The following RIMS3 variants were observed in gnomAD, a reference collection of about 807,000 sequenced individuals.
The protein encoded by RIMS3 is regulating synaptic membrane exocytosis 3, also known as regulating synaptic membrane exocytosis protein 3.
In RIMS3, 15 loss-of-function variants were observed where a neutral mutation model predicts 29.2. That is an observed-to-expected ratio of 0.51 (90% CI 0.34 to 0.79). The LOEUF is 0.79. Ranked by LOEUF, RIMS3 falls within the 30% of genes least tolerant of loss-of-function variation. The probability of loss-of-function intolerance (pLI) is 0.01; values close to 1 mark genes in which losing one functional copy is unlikely to be tolerated. For missense variants in RIMS3, 342 were observed against 421.4 expected (o/e 0.81, Z 1.65); for synonymous variants, 161 against 170.1 (o/e 0.95, Z 0.41).
Position 40,647,674 on chromosome 1 carries a change from G to A in RIMS3, c.-38C>T, listed in dbSNP as rs536891911. 1 of 152,270 alleles carries A rather than the reference G, an allele frequency of 6.6e-6. No homozygotes were observed. The highest frequency in any genetic ancestry group is 2.4e-5 in the African/African-American group (1 of 41,522). 9.4% of individuals were successfully genotyped at this position (152,270 alleles called of 1,614,324 possible). A position where few individuals can be genotyped will look rare whatever the true frequency, so the allele number is the denominator to read the frequency against. On this transcript the variant is annotated 5_prime_UTR_variant, in exon 2 of 8. Coordinates refer to ENST00000372684, the MANE Select transcript of RIMS3 (RefSeq NM_014747.3). ...GGAAGAAAACCCAACTCACCGAACT[G>A]ATGAATCTGAGCCTGGTGTTCCGCA...
At chr1:40,643,011 T>C (rs1646569258) in intron 2 of RIMS3, among the ~76,000 whole-genome samples, 1 of 152,188 alleles carries the variant, frequency 6.6e-6, no homozygotes, top group Non-Finnish European at 1.5e-5. Flanking sequence ...TAACACTATG[T>C]ATGCTACCGT....
At chr1:40,637,118 G>C (rs1240259171) in intron 3 of RIMS3, among the ~76,000 whole-genome samples, 1 of 152,204 alleles carries the variant, frequency 6.6e-6, no homozygotes, top group East Asian at 1.9e-4. Flanking sequence ...TGCCTACAGG[G>C]AGGGGGAGAG....
At chr1:40,668,008 T>C (rs1384251124), upstream of RIMS3, among the ~76,000 whole-genome samples, 1 of 151,988 alleles carries the variant, frequency 6.6e-6, no homozygotes, top group African/African-American at 2.4e-5. Flanking sequence ...ATCCCAGCAC[T>C]TTGGGAGGCC....
chr1:40,668,122 G>A (rs2148367745), upstream of RIMS3, among the ~76,000 whole-genome samples: 1 of 152,056 alleles, frequency 6.6e-6, no homozygotes, highest in South Asian at 2.1e-4. Context: ...GTGGTGGCAT[G>A]CACCTGTAGT....
chr1:40,668,491 C>G (rs939221628), upstream of RIMS3, among the ~76,000 whole-genome samples: 946 of 50,438 alleles, frequency 0.019, no homozygotes, highest in Middle Eastern at 0.021. Flanking sequence ...GGGTTGTGGG[C>G]GGGGGGGGGG....
chr1:40,632,382 AT>A, intron 5 of RIMS3, among the ~76,000 whole-genome samples: 1 of 148,458 alleles, frequency 6.7e-6, no homozygotes, highest in Non-Finnish European at 1.5e-5. Flanking sequence ...TGGTGCTAGG[AT>A]ATACGGTTTT....
At chr1:40,632,449 T>C (rs1570173253) in intron 5 of RIMS3, among the ~76,000 whole-genome samples, 1 of 116,794 alleles carries the variant, frequency 8.6e-6, no homozygotes, top group East Asian at 2.6e-4. Context: ...TATATATATA[T>C]ATATATATAT....
intron 1 of RIMS3, among the ~76,000 whole-genome samples, chr1:40,651,402 A>G (rs1646631492): frequency 6.6e-6 from 1 of 152,218 alleles, no homozygotes; most frequent in Non-Finnish European, 1.5e-5. Context: ...GGGGCACGGA[A>G]CAGATTTTCC....
chr1:40,632,990 T>C, intron 5 of RIMS3, 79 bp downstream of exon 5: 1 of 1,088,644 alleles, frequency 9.2e-7, no homozygotes, highest in Non-Finnish European at 1.4e-6. Flanking sequence ...CGATGGCCAA[T>C]GCAGGGCCCC....
the RIMS3 span, among the ~76,000 whole-genome samples, chr1:40,678,369 C>T: frequency 6.6e-6 from 1 of 152,248 alleles, no homozygotes; most frequent in East Asian, 1.9e-4. Context: ...GATTGCACCA[C>T]TGTGCTCCAT....
Position 40,634,763 on chromosome 1 carries a change from G to A in RIMS3, c.359+1153C>T, listed in dbSNP as rs189605551. 1.2e-3 allele frequency among the ~76,000 whole-genome samples: 187 copies of A among 152,164 alleles called. 1 individual carries two copies. The highest frequency in any genetic ancestry group is 2.2e-3 in the Non-Finnish European group (151 of 67,998). On this transcript the variant is annotated intron_variant, in intron 4 of 7. Coordinates refer to ENST00000372684, the MANE Select transcript of RIMS3 (RefSeq NM_014747.3). ...TCGAGACCAGCCTGACCAACATGGA[G>A]AAACCCCATCTCTACTAAAAATCCA...
chr1:40,684,698 ATG>A, the RIMS3 span, among the ~76,000 whole-genome samples: 1 of 152,224 alleles, frequency 6.6e-6, no homozygotes, highest in Admixed American at 6.5e-5. Context: ...GCCATGGAGA[ATG>A]TCTCTCTAGA....
chr1:40,674,595 ATG>A, the RIMS3 span, among the ~76,000 whole-genome samples: 4 of 152,226 alleles, frequency 2.6e-5, no homozygotes, highest in African/African-American at 9.7e-5. Context: ...TGATTAGGTC[ATG>A]GGGACTCTGC....
At chr1:40,683,917 G>A in the RIMS3 span, among the ~76,000 whole-genome samples, 1 of 152,160 alleles carries the variant, frequency 6.6e-6, no homozygotes, top group Admixed American at 6.5e-5. Flanking sequence ...CTACTTTTCT[G>A]AGAAGTGTTA....
the RIMS3 span, among the ~76,000 whole-genome samples, chr1:40,689,715 G>C: frequency 2.6e-5 from 4 of 152,162 alleles, no homozygotes; most frequent in Non-Finnish European, 5.9e-5. Context: ...AAGGGCGGAG[G>C]CTATTGATAA....
intron 2 of RIMS3, among the ~76,000 whole-genome samples, chr1:40,644,915 G>A (rs758016590): frequency 6.6e-6 from 1 of 152,252 alleles, no homozygotes; most frequent in African/African-American, 2.4e-5. Flanking sequence ...GAGAATGGGT[G>A]AAAGAGGAAA....
chr1:40,663,513 G>A (rs540654172), intron 1 of RIMS3, among the ~76,000 whole-genome samples: 5 of 152,240 alleles, frequency 3.3e-5, no homozygotes, highest in Admixed American at 2.6e-4. Context: ...GCAATGCCCA[G>A]GCCAGATAAT....
In RIMS3 at chr1:40,654,880, GA is replaced by G. The variant is rs1482805454; in HGVS notation, c.-206-7039del. On this transcript the variant is annotated intron_variant, in intron 1 of 7. Transcript: ENST00000372684. The surrounding 1 kb of genome is among the most constrained non-coding windows in gnomAD (Gnocchi z 5.3). ...TACACACACACATTATGCCTTCACA[GA>G]GATCCTCAAACATTCACCATGGACA... 1.3e-5 allele frequency among the ~76,000 whole-genome samples: 2 copies of G among 151,924 alleles called. No homozygotes were observed. The highest frequency in any genetic ancestry group is 6.6e-5 in the Admixed American group (1 of 15,264).
chr1:40,682,741 C>CTTTTTATTTTTTTTTTTTTTT, the RIMS3 span, among the ~76,000 whole-genome samples: 1 of 77,514 alleles, frequency 1.3e-5, no homozygotes. Context: ...CTTTGCAGAT[C>CTTTTTATTTTTTTTTTTTTTT]TTTTTTTTTT....
Sources: gnomAD v4.1 joint callset for allele counts (sites outside exome capture counted in the v4.1 genomes callset) on GRCh38, gnomAD v4.1.1 for gene constraint, Gnocchi (gnomAD v3.1) non-coding constraint, MANE v1.5 for transcripts, NCBI Gene and HGNC (gene_info 2026-07-23, HGNC 2026-07-21) for gene names.